RXRG: variants seen among roughly 807,000 people sequenced by gnomAD.
RXRG encodes the protein retinoic acid receptor RXR-gamma.
A neutral mutation model predicts 49.2 loss-of-function variants in RXRG; 19 were observed. The ratio of observed to expected loss-of-function variants is 0.39; its 90% CI spans 0.27 to 0.57. RXRG has a LOEUF of 0.57. Ranked by LOEUF, RXRG falls within the 20% of genes least tolerant of loss-of-function variation. The pLI is 0.64. For synonymous variants in RXRG, 224 were observed against 216.6 expected (o/e 1.03, Z -0.30); for missense variants, 452 against 592.5 (o/e 0.76, Z 2.46).
At chr1:165,413,876 T>A (rs1327090708) in intron 4 of RXRG, among the ~76,000 whole-genome samples, 1 of 152,162 alleles carries the variant, frequency 6.6e-6, no homozygotes, top group Non-Finnish European at 1.5e-5. Context: ...TTTAACATTA[T>A]TTATCCTAAA....
At chr1:165,412,895 G>A (rs953952108) in intron 4 of RXRG, among the ~76,000 whole-genome samples, 1 of 152,026 alleles carries the variant, frequency 6.6e-6, no homozygotes, top group Non-Finnish European at 1.5e-5. Context: ...AATGCTTCTT[G>A]TATTAATTTT....
At chr1:165,422,164 C>T (rs1658341415) in intron 2 of RXRG, among the ~76,000 whole-genome samples, 1 of 152,212 alleles carries the variant, frequency 6.6e-6, no homozygotes, top group East Asian at 1.9e-4. Flanking sequence ...AGCTCCACTG[C>T]CACCAGCCAG....
chr1:165,432,448 TG>T (rs746154624), intron 1 of RXRG, among the ~76,000 whole-genome samples: 7 of 152,238 alleles, frequency 4.6e-5, no homozygotes, highest in Non-Finnish European at 8.8e-5. Flanking sequence ...TAAATAGCTT[TG>T]CTTTTAGACA....
chr1:165,437,340 C>G, intron 1 of RXRG: 1 of 648,218 alleles, frequency 1.5e-6, no homozygotes, highest in Non-Finnish European at 2.3e-6. Flanking sequence ...GTTACAAGCT[C>G]TGATGTCTTC....
intron 2 of RXRG, among the ~76,000 whole-genome samples, chr1:165,420,259 G>A (rs1658268155): frequency 6.6e-6 from 1 of 152,162 alleles, no homozygotes; most frequent in Non-Finnish European, 1.5e-5. Flanking sequence ...ATCTCCATTA[G>A]AGTCTATCTG....
chr1:165,436,271 C>A (rs1320503567), intron 1 of RXRG, among the ~76,000 whole-genome samples: 1 of 152,130 alleles, frequency 6.6e-6, no homozygotes, highest in Non-Finnish European at 1.5e-5. Flanking sequence ...CCCCTTGGAG[C>A]CACCTAGGAT....
intron 2 of RXRG, among the ~76,000 whole-genome samples, chr1:165,423,522 C>G (rs1267469140): frequency 6.6e-6 from 1 of 152,200 alleles, no homozygotes; most frequent in African/African-American, 2.4e-5. Flanking sequence ...GCAGGCACTC[C>G]CGTTCCAGGG....
chr1:165,406,704 A>G, intron 9 of RXRG, 108 bp downstream of exon 9: 1 of 807,334 alleles, frequency 1.2e-6, no homozygotes, highest in Non-Finnish European at 2.1e-6. Context: ...TGAAGATTAA[A>G]TAACATTTAA....
At chr1:165,407,283 A>T (rs373946116) in intron 8 of RXRG, among the ~76,000 whole-genome samples, 10 of 152,244 alleles carry the variant, frequency 6.6e-5, no homozygotes, top group Admixed American at 2.0e-4. Flanking sequence ...GAATTGGCAC[A>T]TGTCCTGCAT....
intron 5 of RXRG, 27 bp from the exon 6 acceptor site, chr1:165,410,858 G>A: frequency 6.2e-7 from 1 of 1,613,942 alleles, no homozygotes; most frequent in African/African-American, 1.3e-5. Context: ...GTACTGTGAG[G>A]CACAGGTCCC....
intron 2 of RXRG, among the ~76,000 whole-genome samples, chr1:165,427,409 GTTTT>G (rs1658520910): frequency 1.6e-5 from 1 of 61,154 alleles, no homozygotes; most frequent in Non-Finnish European, 5.0e-5. Flanking sequence ...CATATGTTTT[GTTTT>G]GTTTTGTTTT....
chr1:165,443,360 T>C (rs1043640377), intron 1 of RXRG, among the ~76,000 whole-genome samples: 32 of 152,166 alleles, frequency 2.1e-4, no homozygotes, highest in African/African-American at 7.2e-4. Context: ...CAGCTCTGAA[T>C]GGGACTGAGG....
At chr1:165,403,910 C>G (rs891837525) in intron 9 of RXRG, among the ~76,000 whole-genome samples, 2 of 152,204 alleles carry the variant, frequency 1.3e-5, no homozygotes, top group African/African-American at 2.4e-5. Flanking sequence ...GCATTCCTCA[C>G]CCACAGGTTA....
intron 8 of RXRG, 150 bp from the exon 9 acceptor site, chr1:165,407,067 G>C: frequency 6.8e-6 from 4 of 587,568 alleles, no homozygotes; most frequent in South Asian, 6.5e-5. Context: ...ATGCCCCCTT[G>C]CTCTTCTTTC....
intron 1 of RXRG, 130 bp from the exon 2 acceptor site, chr1:165,429,096 G>T: frequency 1.0e-6 from 1 of 967,974 alleles, no homozygotes; most frequent in Non-Finnish European, 1.5e-6. Context: ...ACACCTGTAA[G>T]CCCTAGGTGC....
intron 3 of RXRG, among the ~76,000 whole-genome samples, chr1:165,419,398 T>A (rs79005628): frequency 0.03 from 4,390 of 148,512 alleles, 221 homozygotes; most frequent in African/African-American, 0.1. Context: ...TCTTAATACT[T>A]TTTTTTTTTT....
intron 1 of RXRG, among the ~76,000 whole-genome samples, chr1:165,433,790 G>A (rs1465317751): frequency 6.6e-6 from 1 of 152,186 alleles, no homozygotes; most frequent in African/African-American, 2.4e-5. Flanking sequence ...AGATGCTGAG[G>A]GGTACCTCCC....
chr1:165,429,356 G>C (rs937039421), intron 1 of RXRG, among the ~76,000 whole-genome samples: 1 of 152,206 alleles, frequency 6.6e-6, no homozygotes, highest in African/African-American at 2.4e-5. Flanking sequence ...AGAGTGAGTA[G>C]GTTCCCAGGC....
chr1:165,431,526 GC>G (rs1425485854), intron 1 of RXRG, among the ~76,000 whole-genome samples: 6 of 152,220 alleles, frequency 3.9e-5, no homozygotes, highest in Non-Finnish European at 2.9e-5. Flanking sequence ...TGAGAAGACA[GC>G]TGTCCTTCCC....
Sources: gnomAD v4.1 joint callset for allele counts (sites outside exome capture counted in the v4.1 genomes callset) on GRCh38, gnomAD v4.1.1 for gene constraint, MANE v1.5 for transcripts, NCBI Gene and HGNC (gene_info 2026-07-23, HGNC 2026-07-21) for gene names.